The following OSBPL10 variants were observed in gnomAD, a reference collection of about 807,000 sequenced individuals.
OSBPL10 encodes the protein oxysterol binding protein like 10.
In OSBPL10, 49 loss-of-function variants were observed where a neutral mutation model predicts 81.7. The observed-to-expected ratio is 0.60, with a 90% CI of 0.48 to 0.76. OSBPL10 has a LOEUF of 0.76. OSBPL10 is among the 30% of genes least tolerant of loss of function. OSBPL10 has a pLI of 0.00. For missense variants in OSBPL10, 923 were observed against 987.8 expected, an observed-to-expected ratio of 0.93 and a Z score of 0.88; for synonymous variants, 419 against 383.6, an observed-to-expected ratio of 1.09 and a Z score of -1.08.
chr3:31,982,149 G>C (rs4522807), upstream of OSBPL10, among the ~76,000 whole-genome samples: 12,716 of 152,128 alleles, frequency 0.084, 1,057 homozygotes, highest in East Asian at 0.47. Flanking sequence ...CTCTGAAACC[G>C]GGAAAACTGC....
In OSBPL10 at chr3:31,856,992, G is replaced by A. The variant is rs201408006; in HGVS notation, c.537+19441C>T. Among the ~76,000 whole-genome samples, 60 of 152,262 alleles carry A rather than the reference G, an allele frequency of 3.9e-4. No individual in the cohort carries two copies. The East Asian group carries it at 9.5e-3, about 24-fold the overall frequency. ...GTGGGTGAATCGCCTGAACCTGGGCGGTGGAGGGTTCAAGGATCACACCAC... is the reference window on the plus strand; with the variant it reads ...GTGGGTGAATCGCCTGAACCTGGGCAGTGGAGGGTTCAAGGATCACACCAC... On this transcript the variant is annotated intron_variant, in intron 3 of 11. Transcript: ENST00000396556.
intron 6 of OSBPL10, chr3:31,704,000 C>T (rs1347887159): frequency 6.6e-6 from 1 of 152,122 alleles, no homozygotes; most frequent in East Asian, 1.9e-4. Context: ...TGTGAGCTAC[C>T]CTGATTCTAC....
At chr3:31,767,703 C>G (rs754890775) in intron 4 of OSBPL10, among the ~76,000 whole-genome samples, 1 of 152,164 alleles carries the variant, frequency 6.6e-6, no homozygotes, top group Admixed American at 6.5e-5. Context: ...CAAGGTGACC[C>G]TAATTAAGTG....
Position 31,885,828 on chromosome 3 carries a change from C to CAAAA in OSBPL10, c.282-6002_282-5999dup, listed in dbSNP as rs34871532. On this transcript the variant is annotated intron_variant, in intron 1 of 11. Transcript: ENST00000396556. Reference sequence around the variant, plus strand: ...TGAAACCCCATCTCTACTAAAAATACAAAAAAAAAAAAAAAAATTAGCCTG... The same window carrying CAAAA: ...TGAAACCCCATCTCTACTAAAAATACAAAAAAAAAAAAAAAAAAAAATTAGCCTG... 6.5e-5 allele frequency among the ~76,000 whole-genome samples: 8 copies of CAAAA among 122,608 alleles called. No individual in the cohort carries two copies. In the South Asian group the frequency reaches 1.4e-3, roughly 21 times the overall value. 80.4% of individuals were successfully genotyped at this position (122,608 alleles called of 152,430 possible).
intron 2 of OSBPL10, among the ~76,000 whole-genome samples, chr3:32,031,017 G>T (rs989537017): frequency 6.6e-6 from 1 of 151,840 alleles, no homozygotes; most frequent in Non-Finnish European, 1.5e-5. Context: ...AATACAAAAA[G>T]ATTAGCCTGG....
chr3:31,735,460 G>A (rs986493705), intron 5 of OSBPL10, among the ~76,000 whole-genome samples: 1 of 152,104 alleles, frequency 6.6e-6, no homozygotes, highest in Non-Finnish European at 1.5e-5. Flanking sequence ...AATTAATAAA[G>A]GTCCCAAGTG....
chr3:31,822,713 C>T (rs1440759677), intron 4 of OSBPL10, among the ~76,000 whole-genome samples: 2 of 151,826 alleles, frequency 1.3e-5, no homozygotes, highest in East Asian at 3.9e-4. Flanking sequence ...AGTTCGACAC[C>T]AGCCTGCACA....
intron 4 of OSBPL10, among the ~76,000 whole-genome samples, chr3:31,757,914 G>A (rs1439342247): frequency 6.6e-6 from 1 of 152,148 alleles, no homozygotes; most frequent in African/African-American, 2.4e-5. Flanking sequence ...AGAAACTACA[G>A]ACACCAGAAC....
chr3:31,790,026 G>T (rs967948669), intron 4 of OSBPL10, among the ~76,000 whole-genome samples: 1 of 151,758 alleles, frequency 6.6e-6, no homozygotes, highest in African/African-American at 2.4e-5. Context: ...TGATTTTAAA[G>T]ATGATCTGGT....
chr3:31,685,745 A>T (rs1442229567), intron 7 of OSBPL10, among the ~76,000 whole-genome samples: 2 of 152,136 alleles, frequency 1.3e-5, no homozygotes, highest in Non-Finnish European at 2.9e-5. Flanking sequence ...ATGATCACGG[A>T]CCACAAATAT....
At position 31,839,683 on chromosome 3, in the gene OSBPL10, G is replaced by A. The variant is rs541080779; in HGVS notation, c.538-9452C>T. Among the ~76,000 whole-genome samples, 4 of 152,020 alleles carry A rather than the reference G, an allele frequency of 2.6e-5. No individual in the cohort carries two copies. In the East Asian group the frequency reaches 7.8e-4, roughly 30 times the overall value. On this transcript the variant is annotated intron_variant, in intron 3 of 11. Transcript: ENST00000396556. ...CTCAACAGAGCACAAAGGCCCTGGG[G>A]TGAGAGTTCACTTGGTGTGTTTGAG...
At chr3:31,767,885 G>A (rs906333218) in intron 4 of OSBPL10, among the ~76,000 whole-genome samples, 4 of 152,158 alleles carry the variant, frequency 2.6e-5, no homozygotes, top group African/African-American at 9.7e-5. Context: ...CACATGGGTC[G>A]TTGGCTTCAT....
intron 1 of OSBPL10, among the ~76,000 whole-genome samples, chr3:32,061,919 A>G (rs62244432): frequency 0.65 from 60,037 of 91,842 alleles, 26,418 homozygotes; most frequent in East Asian, 1. Flanking sequence ...GATCACAGAC[A>G]TGAGCCACTA....
chr3:32,050,976 T>A (rs886473685), intron 1 of OSBPL10, among the ~76,000 whole-genome samples: 3 of 152,070 alleles, frequency 2.0e-5, no homozygotes, highest in Non-Finnish European at 2.9e-5. Context: ...GGATTTTTTT[T>A]AAAAGCTCAC....
chr3:31,807,417 A>G (rs528770619), intron 4 of OSBPL10, among the ~76,000 whole-genome samples: 1 of 147,564 alleles, frequency 6.8e-6, no homozygotes, highest in Non-Finnish European at 1.5e-5. Flanking sequence ...TTCACTCTGC[A>G]TGCTGTGTTG....
At position 31,905,182 on chromosome 3, in the gene OSBPL10, GA is replaced by G. The variant is rs565276711; in HGVS notation, c.282-25353del. On this transcript the variant is annotated intron_variant, in intron 1 of 11. Transcript: ENST00000396556. The stretch of plus-strand genomic sequence containing the variant: ...ACAAAATCACTGTCTTGCCTACATA[GA>G]AAGCTTAATTTTTCAGGGGCATGAG... Among the ~76,000 whole-genome samples, 573 of 152,104 alleles carry G rather than the reference GA, an allele frequency of 3.8e-3. 1 individual carries two copies. Among genetic ancestry groups the G allele is most frequent in the African/African-American group, 0.013 (552 of 41,482 alleles).
chr3:32,018,241 A>G (rs1365691325), intron 2 of OSBPL10, among the ~76,000 whole-genome samples: 1 of 152,174 alleles, frequency 6.6e-6, no homozygotes, highest in East Asian at 1.9e-4. Context: ...TGATTGTTAA[A>G]CTATGATGGT....
At chr3:31,949,485 G>A (rs1043852958) in intron 1 of OSBPL10, among the ~76,000 whole-genome samples, 11 of 151,606 alleles carry the variant, frequency 7.3e-5, no homozygotes, top group South Asian at 6.3e-4. Context: ...TGGCTAACAC[G>A]GTGAAACTCG....
At chr3:32,033,598 A>G (rs1699491185) in intron 2 of OSBPL10, among the ~76,000 whole-genome samples, 1 of 152,238 alleles carries the variant, frequency 6.6e-6, no homozygotes, top group South Asian at 2.1e-4. Flanking sequence ...TGTGTAAAAA[A>G]GAGACAGAGT....
Sources: allele counts gnomAD v4.1 joint callset (sites outside exome capture counted in the v4.1 genomes callset), GRCh38; gene constraint gnomAD v4.1.1; transcripts MANE v1.5; gene names NCBI Gene and HGNC (gene_info 2026-07-23, HGNC 2026-07-21).